Variants in RAD21L1 observed in about 807,000 individuals in gnomAD.
The protein encoded by RAD21L1 is double-strand-break repair protein rad21-like protein 1.
A neutral mutation model predicts 69.0 loss-of-function variants in RAD21L1; 47 were observed. The observed-to-expected ratio is 0.68, with a 90% confidence interval of 0.54 to 0.87. The LOEUF is 0.87. Among genes scored for constraint, RAD21L1 ranks in the 40% least tolerant of loss-of-function variants. RAD21L1 has a pLI of 0.00. For missense variants in RAD21L1, 583 were observed against 647.6 expected, an observed-to-expected ratio of 0.90 and a Z score of 1.08; for synonymous variants, 177 against 205.8, an observed-to-expected ratio of 0.86 and a Z score of 1.20.
intron 13 of RAD21L1, 85 bp downstream of exon 13, chr20:1,248,788 C>T (rs1276724701): frequency 2.6e-5 from 20 of 767,286 alleles, no homozygotes; most frequent in African/African-American, 9.1e-5. Context: ...TTAATGAAAA[C>T]GCAATAATTT....
In RAD21L1 at chr20:1,233,944, T is replaced by C. The variant is rs2087444959; in HGVS notation, c.369-141T>C. On this transcript the variant is annotated intron_variant, in intron 4 of 13. Transcript: ENST00000683101. The stretch of plus-strand genomic sequence containing the variant: ...AGCCTAGAGATTATTTATATACATG[T>C]ATATATAATAAACTAGTGTTTATAA... 3 of 513,700 alleles carry C rather than the reference T, an allele frequency of 5.8e-6. No individual in the cohort carries two copies. The East Asian group carries it at 9.4e-5, about 16-fold the overall frequency. The allele number at this position is 513,700 out of a possible 1,614,324, so 31.8% of individuals were successfully genotyped here. A position where few individuals can be genotyped will look rare whatever the true frequency, so the allele number is the denominator to read the frequency against.
At position 1,246,219 on chromosome 20, in the gene RAD21L1, G is replaced by A. The variant is rs755616988; in HGVS notation, c.1315G>A (p.Val439Ile). 1 of 1,532,524 alleles carries A rather than the reference G, an allele frequency of 6.5e-7. No individual in the cohort carries two copies. The highest frequency in any genetic ancestry group is 1.2e-5 in the South Asian group (1 of 80,266). The allele number at this position is 1,532,524 out of a possible 1,614,324, so 94.9% of individuals were successfully genotyped here. A position where few individuals can be genotyped will look rare whatever the true frequency, so the allele number is the denominator to read the frequency against. ...TNKNINSEDI[V>I]EMVSLAAEES... ...CCCTAATTTGCTTCAGCAGGATATT[G>A]TTGAAATGGTGTCTTTAGCTGCTGA... Residue 439 changes from valine (V) to isoleucine (I), a missense_variant, in exon 12 of 14, where the codon GTT becomes ATT. By Grantham distance (29) the Val-to-Ile change is conservative (BLOSUM62 3). Coordinates refer to ENST00000683101, the MANE Select transcript of RAD21L1 (RefSeq NM_001384355.1). The surrounding 1 kb of genome is among the most constrained non-coding windows in gnomAD (Gnocchi z 4.6).
chr20:1,244,522 A>C (rs1044685166), intron 11 of RAD21L1, among the ~76,000 whole-genome samples: 1 of 152,140 alleles, frequency 6.6e-6, no homozygotes, highest in African/African-American at 2.4e-5. Context: ...CAGTATGCCT[A>C]AGTTTTGCTT....
At position 1,228,503 on chromosome 20, in the gene RAD21L1, TATGG is replaced by T. The variant is rs1453128097; in HGVS notation, c.51_54del (p.Trp18LeufsTer19). Reference sequence around the variant, plus strand: ...AGTAAACGAGGGCCATTGGCCAAAATATGGCTTGCAGCTCACTGGGAGAAGAAAC... The same window carrying T: ...AGTAAACGAGGGCCATTGGCCAAAATCTTGCAGCTCACTGGGAGAAGAAAC... On this transcript the variant is annotated frameshift_variant, in exon 2 of 14. Transcript: ENST00000683101. LOFTEE classifies it high-confidence loss of function. 6.5e-7 allele frequency: 1 copy of T among 1,550,266 alleles called. No individual in the cohort carries two copies.
intron 13 of RAD21L1, among the ~76,000 whole-genome samples, chr20:1,252,094 T>A (rs1241138010): frequency 6.6e-6 from 1 of 152,184 alleles, no homozygotes; most frequent in Non-Finnish European, 1.5e-5. Flanking sequence ...TCCTAGCCAT[T>A]TTTCATGGGT....
chr20:1,250,808 TG>T (rs1334458532), intron 13 of RAD21L1, among the ~76,000 whole-genome samples: 8 of 152,226 alleles, frequency 5.3e-5, no homozygotes, highest in Non-Finnish European at 8.8e-5. Context: ...ACCATTTTTA[TG>T]GTTTTGTAAT....
chr20:1,248,277 GAC>G (rs2087757385), intron 12 of RAD21L1, among the ~76,000 whole-genome samples: 1 of 152,032 alleles, frequency 6.6e-6, no homozygotes, highest in Non-Finnish European at 1.5e-5. Flanking sequence ...AGTTCAGATT[GAC>G]CAGAACTAGG....
intron 5 of RAD21L1, among the ~76,000 whole-genome samples, chr20:1,236,613 C>T (rs576908248): frequency 6.6e-6 from 1 of 152,180 alleles, no homozygotes; most frequent in Non-Finnish European, 1.5e-5. Context: ...CTGTGTGACA[C>T]TGGGCAGATT....
intron 13 of RAD21L1, among the ~76,000 whole-genome samples, chr20:1,249,173 A>C (rs991734197): frequency 6.6e-6 from 1 of 152,196 alleles, no homozygotes; most frequent in Non-Finnish European, 1.5e-5. Flanking sequence ...ACCAGAAGCA[A>C]CTACATTAAG....
intron 7 of RAD21L1, among the ~76,000 whole-genome samples, chr20:1,240,099 G>A (rs141058387): frequency 1.3e-5 from 2 of 152,272 alleles, no homozygotes; most frequent in African/African-American, 2.4e-5. Flanking sequence ...ATGTGCAAAA[G>A]GGGATGATGA....
At chr20:1,244,442 C>T (rs1367511433) in intron 11 of RAD21L1, among the ~76,000 whole-genome samples, 2 of 152,028 alleles carry the variant, frequency 1.3e-5, no homozygotes, top group African/African-American at 4.8e-5. Context: ...TCTATGTAAA[C>T]CTAGTTATAT....
chr20:1,226,127 A>G lies in RAD21L1; in HGVS notation c.-46A>G, dbSNP rs1244457809. ...CCTGCTCTGGCACGCCACACCTCAG[A>G]CGAGGCTTTGAAAGTAGGGCGCAGC... is the stretch of plus-strand genomic sequence containing the variant. On this transcript the variant is annotated 5_prime_UTR_variant, in exon 1 of 14. Transcript: ENST00000683101. The G allele has an allele frequency of 3.3e-5, 5 of 149,280 alleles. No individual in the cohort carries two copies. Among genetic ancestry groups the G allele is most frequent in the African/African-American group, 1.3e-4 (5 of 39,990 alleles). 9.2% of individuals were successfully genotyped at this position (149,280 alleles called of 1,614,324 possible). A position where few individuals can be genotyped will look rare whatever the true frequency, so the allele number is the denominator to read the frequency against.
chr20:1,239,299 T>A lies in RAD21L1; in HGVS notation c.647-13T>A. On this transcript the variant is annotated splice_polypyrimidine_tract_variant and intron_variant, in intron 6 of 13. Coordinates refer to ENST00000683101, the MANE Select transcript of RAD21L1 (RefSeq NM_001384355.1). ...CCAGTCTGTATGAAAAAATATTCAT[T>A]GTGTTTTTCAAGACAATCTATTGCA... is the stretch of plus-strand genomic sequence containing the variant. 1 of 1,400,506 alleles carries A rather than the reference T, an allele frequency of 7.1e-7. No individual in the cohort carries two copies. The highest frequency in any genetic ancestry group is 9.8e-7 in the Non-Finnish European group (1 of 1,015,630). The allele number at this position is 1,400,506 out of a possible 1,614,324, so 86.8% of individuals were successfully genotyped here.
chr20:1,230,092 G>C (rs2087359861), intron 3 of RAD21L1, 83 bp downstream of exon 3: 1 of 989,752 alleles, frequency 1.0e-6, no homozygotes, highest in Admixed American at 2.5e-5. Flanking sequence ...TATACTTCAG[G>C]CTAGTATGGT....
At chr20:1,235,164 A>G (rs1480279217) in intron 5 of RAD21L1, among the ~76,000 whole-genome samples, 2 of 152,170 alleles carry the variant, frequency 1.3e-5, no homozygotes, top group Non-Finnish European at 2.9e-5. Flanking sequence ...GTCTTGGTCT[A>G]CAAACTCCAT....
intron 4 of RAD21L1, 45 bp from the exon 5 acceptor site, chr20:1,234,040 T>C: frequency 1.2e-6 from 1 of 868,532 alleles, no homozygotes; most frequent in Non-Finnish European, 1.8e-6. Flanking sequence ...ACAGTATCAT[T>C]GTTTTCTGTT....
At chr20:1,251,151 C>T (rs138745513) in intron 13 of RAD21L1, among the ~76,000 whole-genome samples, 16 of 152,254 alleles carry the variant, frequency 1.1e-4, no homozygotes, top group African/African-American at 3.1e-4. Flanking sequence ...TTACCTTTAA[C>T]GTGATTGATT....
chr20:1,240,917 G>C (rs961971038), intron 8 of RAD21L1, among the ~76,000 whole-genome samples: 1 of 152,146 alleles, frequency 6.6e-6, no homozygotes, highest in South Asian at 2.1e-4. Flanking sequence ...CAGCAGTTAC[G>C]GTGCTAGAGC....
In RAD21L1 at chr20:1,239,388, G is replaced by A. The variant is rs1232223857; in HGVS notation, c.723G>A (p.Glu241=). Residue 241 remains glutamate (E), a synonymous_variant, in exon 7 of 14, where the codon GAG becomes GAA. Coordinates refer to ENST00000683101, the MANE Select transcript of RAD21L1 (RefSeq NM_001384355.1). ...HLNREISLPS[E]PPNSLAVEPD... is the part of the protein sequence containing the mutation. ...ACAGAGAAATTTCCCTGCCTTCTGAGCCTCCCAATAGTTTAGCAGGTAGGT... is the reference window on the plus strand; with the variant it reads ...ACAGAGAAATTTCCCTGCCTTCTGAACCTCCCAATAGTTTAGCAGGTAGGT... 3.2e-6 allele frequency: 5 copies of A among 1,546,340 alleles called. No individual in the cohort carries two copies. The highest frequency in any genetic ancestry group is 3.5e-6 in the Non-Finnish European group (4 of 1,142,276).
Sources: gnomAD v4.1 joint callset for allele counts (sites outside exome capture counted in the v4.1 genomes callset) on GRCh38, gnomAD v4.1.1 for gene constraint, Gnocchi (gnomAD v3.1) non-coding constraint, MANE v1.5 for transcripts, NCBI Gene and HGNC (gene_info 2026-07-23, HGNC 2026-07-21) for gene names.